SLC14A2: variants seen among roughly 807,000 people sequenced by gnomAD.
SLC14A2 encodes urea transporter 2.
A neutral mutation model predicts 104.6 loss-of-function variants in SLC14A2; 91 were observed. The observed-to-expected ratio is 0.87, with a 90% CI of 0.73 to 1.04. SLC14A2 has a LOEUF of 1.04. SLC14A2 is among the 50% of genes least tolerant of loss of function. SLC14A2 has a pLI of 0.00. For synonymous variants in SLC14A2, 476 were observed against 466.4 expected, an observed-to-expected ratio of 1.02 and a Z score of -0.27; for missense variants, 1,189 against 1,156.0, an observed-to-expected ratio of 1.03 and a Z score of -0.41.
intron 4 of SLC14A2, 37 bp from the exon 5 acceptor site, chr18:45,632,313 C>A: frequency 1.9e-6 from 3 of 1,600,442 alleles, no homozygotes; most frequent in Non-Finnish European, 2.6e-6. Context: ...GTAACACCAC[C>A]AACTTCAAAT....
chr18:45,629,250 G>A (rs530345319), intron 4 of SLC14A2, among the ~76,000 whole-genome samples: 5 of 152,300 alleles, frequency 3.3e-5, no homozygotes, highest in African/African-American at 1.2e-4. Flanking sequence ...GCACCTCTAG[G>A]GTGGCGTTGG....
chr18:45,254,826 C>T (rs75306696), intron 1 of SLC14A2, among the ~76,000 whole-genome samples: 11,940 of 152,148 alleles, frequency 0.078, 535 homozygotes, highest in African/African-American at 0.097. Context: ...CATAGCTGCC[C>T]CAAGGAGGCC....
At chr18:45,413,775 A>G (rs1262741488) in intron 1 of SLC14A2, among the ~76,000 whole-genome samples, 2 of 152,186 alleles carry the variant, frequency 1.3e-5, no homozygotes, top group Non-Finnish European at 2.9e-5. Flanking sequence ...CTAACTTATC[A>G]TGCTAGCTGT....
At chr18:45,498,515 G>A (rs1045709441) in intron 2 of SLC14A2, among the ~76,000 whole-genome samples, 1 of 152,176 alleles carries the variant, frequency 6.6e-6, no homozygotes, top group Admixed American at 6.5e-5. Flanking sequence ...TAAGTTCTAC[G>A]GTAGATGAAA....
chr18:45,587,959 G>C (rs561096776), intron 2 of SLC14A2, among the ~76,000 whole-genome samples: 2 of 152,298 alleles, frequency 1.3e-5, no homozygotes, highest in African/African-American at 4.8e-5. Flanking sequence ...CAAAGTCCAA[G>C]ATTCTGCCTA....
At chr18:45,389,782 AC>A (rs1191714463) in intron 1 of SLC14A2, among the ~76,000 whole-genome samples, 5 of 152,098 alleles carry the variant, frequency 3.3e-5, no homozygotes, top group Admixed American at 2.0e-4. Context: ...TCCCACACTC[AC>A]CCCCACTCCA....
At chr18:45,525,125 A>T (rs1215755106) in intron 2 of SLC14A2, among the ~76,000 whole-genome samples, 3 of 55,392 alleles carry the variant, frequency 5.4e-5, no homozygotes, top group Non-Finnish European at 1.6e-4. Context: ...AAATCTTTGC[A>T]TATAGACACA....
chr18:45,364,620 A>G (rs2085648423), intron 1 of SLC14A2, among the ~76,000 whole-genome samples: 1 of 152,242 alleles, frequency 6.6e-6, no homozygotes, highest in African/African-American at 2.4e-5. Flanking sequence ...AGCAAGAGAG[A>G]AAACAGTTTT....
At chr18:45,465,699 A>G (rs1008988258) in intron 1 of SLC14A2, among the ~76,000 whole-genome samples, 2 of 152,112 alleles carry the variant, frequency 1.3e-5, no homozygotes, top group African/African-American at 4.8e-5. Flanking sequence ...CTAGGAGCCC[A>G]CCTGACCCAG....
At chr18:45,406,836 TC>T (rs1680858609) in intron 1 of SLC14A2, among the ~76,000 whole-genome samples, 1 of 152,172 alleles carries the variant, frequency 6.6e-6, no homozygotes, top group Non-Finnish European at 1.5e-5. Flanking sequence ...CTTTTTTTTT[TC>T]TGAGCAGTAA....
chr18:45,565,425 CGCATGCATGTGCTTCTACGTGA>C (rs1458870170), intron 2 of SLC14A2, among the ~76,000 whole-genome samples: 3 of 151,990 alleles, frequency 2.0e-5, no homozygotes, highest in Admixed American at 6.5e-5. Context: ...CACACCCAGC[CGCATGCATGTGCTTCTACGTGA>C]GCATGCATGT....
At chr18:45,204,904 G>A in the SLC14A2 span, among the ~76,000 whole-genome samples, 2 of 152,058 alleles carry the variant, frequency 1.3e-5, no homozygotes, top group African/African-American at 4.8e-5. Context: ...TGCTAATGTT[G>A]CATGAAGAGA....
At chr18:45,380,169 C>T (rs2085818929) in intron 1 of SLC14A2, among the ~76,000 whole-genome samples, 2 of 152,166 alleles carry the variant, frequency 1.3e-5, no homozygotes, top group South Asian at 4.2e-4. Flanking sequence ...TTGTTTCTTT[C>T]AGTGGTTTGG....
chr18:45,653,272 C>G (rs933533301), intron 10 of SLC14A2, among the ~76,000 whole-genome samples: 1 of 152,256 alleles, frequency 6.6e-6, no homozygotes, highest in Admixed American at 6.5e-5. Flanking sequence ...CCTCCCACCC[C>G]CTTTGTTTGC....
At chr18:45,195,438 C>A in the SLC14A2 span, among the ~76,000 whole-genome samples, 1 of 152,156 alleles carries the variant, frequency 6.6e-6, no homozygotes, top group Non-Finnish European at 1.5e-5. Context: ...GTTGCCCAGG[C>A]TGGAGTGCAG....
rs537091566 is a variant in SLC14A2, at chr18:45,583,389, T to C, written c.-34-41242T>C. On this transcript the variant is annotated intron_variant, in intron 2 of 20. Transcript: ENST00000586448. ...CATCCAAGCACTACAGTCTGTCCTA[T>C]TCACTGGGTTTCATTTTTATCTTTG... 1.6e-4 allele frequency among the ~76,000 whole-genome samples: 24 copies of C among 152,338 alleles called. No homozygotes were observed. The South Asian group carries it at 4.8e-3, about 30-fold the overall frequency.
upstream of SLC14A2, among the ~76,000 whole-genome samples, chr18:45,212,636 G>A (rs954160196): frequency 6.6e-6 from 1 of 152,128 alleles, no homozygotes; most frequent in African/African-American, 2.4e-5. Flanking sequence ...TAACGCACAT[G>A]TGTATTATTA....
In SLC14A2 at chr18:45,632,364, C is replaced by T. The variant is rs371824385; in HGVS notation, c.536C>T (p.Ser179Leu). 8.4e-5 allele frequency: 135 copies of T among 1,613,096 alleles called. No homozygotes were observed. The African/African-American group carries it at 1.6e-3, about 19-fold the overall frequency. The part of the protein sequence containing the change: ...ALGQDRSAIA[S>L]GLHGYNGMLV... ...TTCACCGCCAGGTCTGCCATTGCCT[C>T]AGGACTCCATGGGTACAACGGGATG... is the stretch of plus-strand genomic sequence containing the variant. The change falls in exon 5 of 20, where the codon TCA becomes TTA. Residue 179 changes from serine (S) to leucine (L), a missense_variant. By Grantham distance (145) the Ser-to-Leu change is moderately radical (BLOSUM62 -2). Transcript: ENST00000255226.
At chr18:45,575,142 A>T (rs571589169) in intron 2 of SLC14A2, among the ~76,000 whole-genome samples, 1 of 152,274 alleles carries the variant, frequency 6.6e-6, no homozygotes, top group East Asian at 1.9e-4. Flanking sequence ...TTTCTTGACC[A>T]TGAAAAGGCA....
Sources: gnomAD v4.1 joint callset for allele counts (sites outside exome capture counted in the v4.1 genomes callset) on GRCh38, gnomAD v4.1.1 for gene constraint, MANE v1.5 for transcripts, NCBI Gene and HGNC (gene_info 2026-07-23, HGNC 2026-07-21) for gene names.